Variants in SLC35F1 observed in about 807,000 individuals in gnomAD.
SLC35F1 encodes chromosome 6 open reading frame 169.
SLC35F1 carries 14 observed loss-of-function variants against 48.7 expected under a neutral mutation model. That is an observed-to-expected ratio of 0.29 (90% confidence interval 0.19 to 0.45). SLC35F1 has a LOEUF of 0.45. Among genes scored for constraint, SLC35F1 ranks in the 20% least tolerant of loss-of-function variants. SLC35F1 has a pLI of 1.00. For missense variants in SLC35F1, 404 were observed against 500.0 expected (o/e 0.81, Z 1.83); for synonymous variants, 190 against 202.2 (o/e 0.94, Z 0.51).
chr6:118,140,305 C>T (rs1007534223), intron 1 of SLC35F1, among the ~76,000 whole-genome samples: 4 of 152,154 alleles, frequency 2.6e-5, no homozygotes, highest in Admixed American at 6.5e-5. Context: ...CAATGATGGA[C>T]GGCACATATA....
At chr6:118,167,602 G>A (rs1228117218) in intron 2 of SLC35F1, among the ~76,000 whole-genome samples, 2 of 152,042 alleles carry the variant, frequency 1.3e-5, no homozygotes, top group African/African-American at 4.8e-5. Flanking sequence ...AAAATAAAAA[G>A]TGTACACCTA....
At chr6:117,938,166 A>G (rs1412845119) in intron 1 of SLC35F1, among the ~76,000 whole-genome samples, 1 of 152,184 alleles carries the variant, frequency 6.6e-6, no homozygotes, top group African/African-American at 2.4e-5. Flanking sequence ...CTGGGGTAAT[A>G]TAGAGGAGAT....
At chr6:118,041,947 A>T (rs1772227987) in intron 1 of SLC35F1, among the ~76,000 whole-genome samples, 1 of 149,376 alleles carries the variant, frequency 6.7e-6, no homozygotes, top group Non-Finnish European at 1.5e-5. Context: ...ATCTTCTTTA[A>T]AAAAAAAAAG....
chr6:118,264,176 A>G (rs996107242), intron 3 of SLC35F1, among the ~76,000 whole-genome samples: 4 of 152,352 alleles, frequency 2.6e-5, no homozygotes. Flanking sequence ...GTCAAGGCCC[A>G]GCAATGCTAA....
intron 1 of SLC35F1, among the ~76,000 whole-genome samples, chr6:118,006,318 T>C (rs1777174233): frequency 6.6e-6 from 1 of 152,144 alleles, no homozygotes. Flanking sequence ...TGTTAAACTT[T>C]AAAAAGTATC....
At chr6:118,243,945 A>G (rs1775472379) in intron 3 of SLC35F1, among the ~76,000 whole-genome samples, 1 of 152,234 alleles carries the variant, frequency 6.6e-6, no homozygotes, top group African/African-American at 2.4e-5. Context: ...GCTTGCCCCC[A>G]AAGGGAACAT....
intron 7 of SLC35F1, among the ~76,000 whole-genome samples, chr6:118,289,155 T>G (rs572718826): frequency 6.6e-6 from 1 of 152,348 alleles, no homozygotes; most frequent in East Asian, 1.9e-4. Context: ...GAAGATTCAC[T>G]CAGGTTGTTG....
intron 1 of SLC35F1, among the ~76,000 whole-genome samples, chr6:117,969,255 C>A (rs1031797822): frequency 1.3e-5 from 2 of 152,192 alleles, no homozygotes; most frequent in Non-Finnish European, 2.9e-5. Flanking sequence ...CAACTTTATG[C>A]ATCTTTAAAC....
intron 1 of SLC35F1, among the ~76,000 whole-genome samples, chr6:118,121,228 A>G (rs562260002): frequency 3.3e-5 from 5 of 152,300 alleles, no homozygotes; most frequent in East Asian, 3.9e-4. Flanking sequence ...ATGCTTAGAG[A>G]AGGTATTTAG....
At chr6:117,985,573 A>T (rs1288728775) in intron 1 of SLC35F1, among the ~76,000 whole-genome samples, 1 of 151,762 alleles carries the variant, frequency 6.6e-6, no homozygotes, top group African/African-American at 2.4e-5. Flanking sequence ...AGCATAAAGG[A>T]TCATCTGAGG....
chr6:118,285,661 T>C (rs1776040339), intron 7 of SLC35F1, among the ~76,000 whole-genome samples: 1 of 152,022 alleles, frequency 6.6e-6, no homozygotes, highest in Non-Finnish European at 1.5e-5. Flanking sequence ...CTAGGAAGAG[T>C]TGTACAATTC....
chr6:118,259,765 T>C (rs1252424401), intron 3 of SLC35F1, among the ~76,000 whole-genome samples: 1 of 151,826 alleles, frequency 6.6e-6, no homozygotes, highest in East Asian at 1.9e-4. Context: ...CCCTTGTACA[T>C]TGCTGATGTG....
chr6:118,278,219 G>C (rs965522354), intron 6 of SLC35F1, among the ~76,000 whole-genome samples: 1 of 152,208 alleles, frequency 6.6e-6, no homozygotes, highest in African/African-American at 2.4e-5. Flanking sequence ...AAAAGGGACT[G>C]ACATTTGCTA....
intron 2 of SLC35F1, among the ~76,000 whole-genome samples, chr6:118,210,126 C>T (rs907471174): frequency 6.6e-6 from 1 of 152,160 alleles, no homozygotes; most frequent in African/African-American, 2.4e-5. Flanking sequence ...CCCTTCAGAG[C>T]TCTTCCACCT....
chr6:118,135,833 T>C (rs540398852), intron 1 of SLC35F1, among the ~76,000 whole-genome samples: 2 of 152,314 alleles, frequency 1.3e-5, no homozygotes, highest in South Asian at 4.1e-4. Flanking sequence ...AGAGAGAGAA[T>C]AGCACCAGGT....
intron 1 of SLC35F1, among the ~76,000 whole-genome samples, chr6:118,069,555 T>C (rs1733760560): frequency 1.3e-5 from 2 of 152,206 alleles, no homozygotes; most frequent in South Asian, 4.1e-4. Context: ...TCAAAGCTCT[T>C]GCTTACCACT....
At chr6:117,998,430 A>C (rs1777034253) in intron 1 of SLC35F1, among the ~76,000 whole-genome samples, 1 of 152,196 alleles carries the variant, frequency 6.6e-6, no homozygotes, top group African/African-American at 2.4e-5. Context: ...TGGACCTAAT[A>C]GACATCTAAA....
At chr6:118,129,417 A>G (rs970673684) in intron 1 of SLC35F1, among the ~76,000 whole-genome samples, 1 of 152,192 alleles carries the variant, frequency 6.6e-6, no homozygotes, top group African/African-American at 2.4e-5. Flanking sequence ...AGGAAGTTGC[A>G]GTGTCAAGGG....
At chr6:118,028,250 T>C (rs981713715) in intron 1 of SLC35F1, among the ~76,000 whole-genome samples, 4 of 152,134 alleles carry the variant, frequency 2.6e-5, no homozygotes, top group African/African-American at 9.7e-5. Flanking sequence ...CTGTTTCCGC[T>C]TTCTCCTGTG....
Sources: allele counts gnomAD v4.1 joint callset (sites outside exome capture counted in the v4.1 genomes callset), GRCh38; gene constraint gnomAD v4.1.1; transcripts MANE v1.5; gene names NCBI Gene and HGNC (gene_info 2026-07-23, HGNC 2026-07-21).